Variants in KLHL35 observed in about 807,000 individuals in gnomAD.
KLHL35 encodes the protein kelch like family member 35.
KLHL35 carries 50 observed loss-of-function variants against 44.0 expected under a neutral mutation model. The ratio of observed to expected loss-of-function variants is 1.14; its 90% confidence interval spans 0.91 to 1.44. KLHL35 has a LOEUF of 1.44. KLHL35 is among the 40% of genes most tolerant of loss of function. The pLI is 0.00. For missense variants in KLHL35, 1,049 were observed against 887.8 expected (o/e 1.18, Z -2.31); for synonymous variants, 470 against 410.4 (o/e 1.15, Z -1.76).
At position 75,429,745 on chromosome 11, in the gene KLHL35, C is replaced by T. The variant is rs768868359; in HGVS notation, c.881+4G>A. 1.0e-5 allele frequency: 15 copies of T among 1,454,896 alleles called. No individual in the cohort carries two copies. The highest frequency in any genetic ancestry group is 9.9e-6 in the Non-Finnish European group (11 of 1,110,894). 90.1% of individuals were successfully genotyped at this position (1,454,896 alleles called of 1,614,324 possible). On this transcript the variant is annotated splice_donor_region_variant and intron_variant, in intron 2 of 6. Coordinates refer to ENST00000539798, the MANE Select transcript of KLHL35 (RefSeq NM_001039548.3). The stretch of plus-strand genomic sequence containing the variant: ...GGCGGGAAGCTAGGGGATGGCGGCC[C>T]TACCTCCGCGGCCGGGTCCGCAGCG...
rs887556696 is a variant in KLHL35 at position 75,430,030 on chromosome 11, C to T, written c.600G>A (p.Val200=). ...CCAGCGCGGGGTCCGCCAGCAGCGC[C>T]ACCACCTCGTCAGGCGCCAGCTCCA... ...DFLELAPDEV[V]ALLADPALGV... The change falls in exon 2 of 7, where the codon GTG becomes GTA. Residue 200 remains valine (V), a synonymous_variant. Coordinates refer to ENST00000539798, the MANE Select transcript of KLHL35 (RefSeq NM_001039548.3). 105 of 1,417,712 alleles carry T rather than the reference C, an allele frequency of 7.4e-5. No homozygotes were observed. The highest frequency in any genetic ancestry group is 9.4e-5 in the Non-Finnish European group (102 of 1,088,148). The allele number at this position is 1,417,712 out of a possible 1,614,324, so 87.8% of individuals were successfully genotyped here.
intron 2 of KLHL35, 104 bp downstream of exon 2, chr11:75,429,645 G>A (rs1197414471): frequency 3.1e-6 from 4 of 1,294,552 alleles, no homozygotes; most frequent in South Asian, 3.4e-5. Flanking sequence ...ACGAATGACT[G>A]AATATCATCA....
chr11:75,430,308 C>A lies in KLHL35; in HGVS notation c.322G>T (p.Asp108Tyr). Reference protein sequence around the residue: ...GAAAALAVVLDYVYGAGVRLR... With the variant: ...GAAAALAVVLYYVYGAGVRLR... ...CGCACGCCCGCTCCGTACACGTAGT[C>A]GAGCACCACGGCCAGCGCCGCCGCC... is the stretch of plus-strand genomic sequence containing the variant. Residue 108 changes from aspartate to tyrosine, a missense_variant, in exon 2 of 7, where the codon GAC (aspartate) becomes TAC (tyrosine). Transcript: ENST00000539798. 1.6e-6 allele frequency: 2 copies of A among 1,247,216 alleles called. No individual in the cohort carries two copies. The highest frequency in any genetic ancestry group is 3.8e-5 in the East Asian group (1 of 26,226). The allele number at this position is 1,247,216 out of a possible 1,614,324, so 77.3% of individuals were successfully genotyped here.
In KLHL35 at chr11:75,426,399, C is replaced by T. The variant is rs972900900; in HGVS notation, c.1185+121G>A. The stretch of plus-strand genomic sequence containing the variant: ...CATTATTATGTGACCTTGGACAAGT[C>T]TCCTTTTTTGGGGGGCTTCAGACCC... On this transcript the variant is annotated intron_variant, in intron 4 of 6. Transcript: ENST00000539798. The T allele has an allele frequency of 1.9e-4, 116 of 602,604 alleles. No individual in the cohort carries two copies. In the African/African-American group the frequency reaches 2.0e-3, roughly 10 times the overall value. The allele number at this position is 602,604 out of a possible 1,614,324, so 37.3% of individuals were successfully genotyped here. A position where few individuals can be genotyped will look rare whatever the true frequency, so the allele number is the denominator to read the frequency against.
At chr11:75,430,677 C>T in intron 1 of KLHL35, 47 bp from the exon 2 acceptor site, 4 of 1,300,694 alleles carry the variant, frequency 3.1e-6, no homozygotes, top group Non-Finnish European at 3.9e-6. Flanking sequence ...CACCTGGCTG[C>T]GCCCGGGAGA....
intron 5 of KLHL35, 123 bp from the exon 6 acceptor site, chr11:75,424,003 C>T (rs1329384224): frequency 6.7e-6 from 5 of 743,624 alleles, no homozygotes; most frequent in Middle Eastern, 3.8e-4. Flanking sequence ...CCAGTGTCCA[C>T]CAGGCCTGAG....
chr11:75,427,968 C>A (rs551488398), intron 3 of KLHL35, among the ~76,000 whole-genome samples: 1 of 152,332 alleles, frequency 6.6e-6, no homozygotes, highest in East Asian at 1.9e-4. Context: ...TTTTATGCTT[C>A]TCTGAGTCTT....
Position 75,430,458 on chromosome 11 carries a change from C to CCGCGCGGTGGCACGGAAAGTCG in KLHL35, c.150_171dup (p.Ala58ArgfsTer147). 2.2e-6 allele frequency: 3 copies of CCGCGCGGTGGCACGGAAAGTCG among 1,393,372 alleles called. No homozygotes were observed. The highest frequency in any genetic ancestry group is 9.3e-7 in the Non-Finnish European group (1 of 1,077,592). 86.3% of individuals were successfully genotyped at this position (1,393,372 alleles called of 1,614,324 possible). A position where few individuals can be genotyped will look rare whatever the true frequency, so the allele number is the denominator to read the frequency against. ...AAGTAGGCGCTGCCCGCGCTGAGCG[C>CCGCGCGGTGGCACGGAAAGTCG]CGCGCGGTGGCACGGAAAGTCGCGC... On this transcript the variant is annotated frameshift_variant, in exon 2 of 7. Coordinates refer to ENST00000539798, the MANE Select transcript of KLHL35 (RefSeq NM_001039548.3). LOFTEE classifies it high-confidence loss of function.
At chr11:75,431,310 A>G (rs1257719998) in intron 1 of KLHL35, among the ~76,000 whole-genome samples, 1 of 152,232 alleles carries the variant, frequency 6.6e-6, no homozygotes, top group African/African-American at 2.4e-5. Context: ...CTTTCGCGCA[A>G]ACGAATTCGA....
Position 75,422,554 on chromosome 11 carries a change from C to T in KLHL35, c.*26G>A. The T allele has an allele frequency of 1.3e-6, 2 of 1,598,466 alleles. No homozygotes were observed. The highest frequency in any genetic ancestry group is 1.7e-6 in the Non-Finnish European group (2 of 1,168,018). On this transcript the variant is annotated 3_prime_UTR_variant, in exon 7 of 7. Coordinates refer to ENST00000539798, the MANE Select transcript of KLHL35 (RefSeq NM_001039548.3). Reference sequence around the variant, plus strand: ...CTGAGCTCCGCCTGCCTCTCCGCCTCCTGGCTCAGGCTGTCCAAATCTGAA... The same window carrying T: ...CTGAGCTCCGCCTGCCTCTCCGCCTTCTGGCTCAGGCTGTCCAAATCTGAA...
intron 5 of KLHL35, chr11:75,424,871 AAAGTTGAT>A (rs1948476889): frequency 6.5e-6 from 1 of 152,886 alleles, no homozygotes; most frequent in Non-Finnish European, 1.5e-5. Flanking sequence ...TGATGGCTGT[AAAGTTGAT>A]AATCACGTGG....
Position 75,425,401 on chromosome 11 carries a change from T to C in KLHL35, c.1366A>G (p.Thr456Ala). The C allele has an allele frequency of 6.4e-7, 1 of 1,553,298 alleles. No homozygotes were observed. Among genetic ancestry groups the C allele is most frequent in the Non-Finnish European group, 8.6e-7 (1 of 1,156,696 alleles). ...IGGARQGGVN[T>A]DKVQCFDPKE... ...CTGAGGCCCACGCCCACCTTGTCCGTGTTGACGCCGCCCTGCCTGGCGCCC... is the reference window on the plus strand; with the variant it reads ...CTGAGGCCCACGCCCACCTTGTCCGCGTTGACGCCGCCCTGCCTGGCGCCC... The change falls in exon 5 of 7, where the codon ACG (threonine) becomes GCG (alanine). Residue 456 changes from threonine to alanine, a missense_variant. By Grantham distance (58) the Thr-to-Ala change is moderately conservative. Coordinates refer to ENST00000539798, the MANE Select transcript of KLHL35 (RefSeq NM_001039548.3).
In KLHL35 at chr11:75,430,411, C is replaced by G. The variant is rs1484666704; in HGVS notation, c.219G>C (p.Gly73=). Residue 73 remains glycine (G), a synonymous_variant, in exon 2 of 7, where the codon GGG becomes GGC. Coordinates refer to ENST00000539798, the MANE Select transcript of KLHL35 (RefSeq NM_001039548.3). ...SAYFRSLFAA[G]RPERGPAVVP... ...CCACGGCCGGGCCGCGCTCGGGCCG[C>G]CCGGCCGCGAACAAGCTGCGGAAGT... 1.0e-4 allele frequency: 141 copies of G among 1,364,452 alleles called. No individual in the cohort carries two copies. The highest frequency in any genetic ancestry group is 1.3e-4 in the Non-Finnish European group (136 of 1,051,158). 84.5% of individuals were successfully genotyped at this position (1,364,452 alleles called of 1,614,324 possible).
chr11:75,425,543 C>T lies in KLHL35; in HGVS notation c.1224G>A (p.Leu408=). The T allele has an allele frequency of 6.7e-7, 1 of 1,499,902 alleles. No individual in the cohort carries two copies. The highest frequency in any genetic ancestry group is 8.8e-7 in the Non-Finnish European group (1 of 1,132,224). 92.9% of individuals were successfully genotyped at this position (1,499,902 alleles called of 1,614,324 possible). The stretch of plus-strand genomic sequence containing the variant: ...AGGGGTCGTAGCGCTCCACGCTGTG[C>T]AGGCGCCTCAGGCCGTCGAAGCCAC... ...AVGGFDGLRR[L]HSVERYDPFS... Residue 408 remains leucine, a synonymous_variant, in exon 5 of 7, where the codon CTG becomes CTA. Coordinates refer to ENST00000539798, the MANE Select transcript of KLHL35 (RefSeq NM_001039548.3).
rs1244979710 is a variant in KLHL35 at position 75,423,851 on chromosome 11, C to T, written c.1404G>A (p.Arg468=). The change falls in exon 6 of 7, where the codon CGG becomes CGA. Residue 468 remains arginine, a synonymous_variant. Transcript: ENST00000539798. ...AGGGTGCTGGTGACCGCAGGCTCCACCGGTCCTCCTTGGGGTCAAAGCACT... is the reference window on the plus strand; with the variant it reads ...AGGGTGCTGGTGACCGCAGGCTCCATCGGTCCTCCTTGGGGTCAAAGCACT... ...KVQCFDPKED[R]WSLRSPAPFS... is the part of the protein sequence containing the mutation. 1 of 1,613,642 alleles carries T rather than the reference C, an allele frequency of 6.2e-7. No homozygotes were observed. The highest frequency in any genetic ancestry group is 1.7e-5 in the Admixed American group (1 of 60,008).
Position 75,428,834 on chromosome 11 carries a change from C to G in KLHL35, c.882-208G>C, listed in dbSNP as rs2508621. 6.6e-5 allele frequency among the ~76,000 whole-genome samples: 10 copies of G among 152,206 alleles called. No individual in the cohort carries two copies. In the East Asian group the frequency reaches 1.7e-3, roughly 26 times the overall value. ...TGGGAAGAGAATCGCTAATGCTTAC[C>G]GCATTCTGCTGACCTCTAAACTACA... is the stretch of plus-strand genomic sequence containing the variant. On this transcript the variant is annotated intron_variant, in intron 2 of 6. Coordinates refer to ENST00000539798, the MANE Select transcript of KLHL35 (RefSeq NM_001039548.3).
intron 4 of KLHL35, 166 bp downstream of exon 4, chr11:75,426,354 C>T (rs1006581045): frequency 3.6e-6 from 2 of 548,000 alleles, no homozygotes; most frequent in Admixed American, 3.1e-5. Flanking sequence ...ACAGTAATTG[C>T]TATTATTATT....
chr11:75,423,378 T>C, intron 6 of KLHL35: 1 of 309,454 alleles, frequency 3.2e-6, no homozygotes. Flanking sequence ...GATTGGTTAC[T>C]AGCAGTGGCC....
At position 75,430,276 on chromosome 11, in the gene KLHL35, G is replaced by A. The variant is rs1948524957; in HGVS notation, c.354C>T (p.Arg118=). 8.3e-7 allele frequency: 1 copy of A among 1,205,722 alleles called. No homozygotes were observed. The highest frequency in any genetic ancestry group is 3.0e-5 in the South Asian group (1 of 33,222). The allele number at this position is 1,205,722 out of a possible 1,614,324, so 74.7% of individuals were successfully genotyped here. A position where few individuals can be genotyped will look rare whatever the true frequency, so the allele number is the denominator to read the frequency against. Residue 118 remains arginine, a synonymous_variant, in exon 2 of 7, where the codon CGC becomes CGT. Coordinates refer to ENST00000539798, the MANE Select transcript of KLHL35 (RefSeq NM_001039548.3). The part of the protein sequence containing the change: ...DYVYGAGVRL[R]AEDEAAAVLA... ...GCACGGCCGCCGCCTCGTCCTCCGC[G>A]CGCAGCCGCACGCCCGCTCCGTACA...
Sources: allele counts gnomAD v4.1 joint callset (sites outside exome capture counted in the v4.1 genomes callset), GRCh38; gene constraint gnomAD v4.1.1; transcripts MANE v1.5; gene names NCBI Gene and HGNC (gene_info 2026-07-23, HGNC 2026-07-21).